PTPRG: variants seen among roughly 807,000 people sequenced by gnomAD.
The protein encoded by PTPRG is protein tyrosine phosphatase receptor type G.
In PTPRG, 102 loss-of-function variants were observed where a neutral mutation model predicts 165.3. The observed-to-expected ratio is 0.62, with a 90% CI of 0.53 to 0.73. The LOEUF (loss-of-function observed/expected upper bound fraction) is 0.73, where lower values mean the gene tolerates loss of function less well. PTPRG is among the 30% of genes least tolerant of loss of function. PTPRG has a pLI of 0.00. For synonymous variants in PTPRG, 675 were observed against 669.5 expected (o/e 1.01, Z -0.13); for missense variants, 1,866 against 1,861.4 (o/e 1.00, Z -0.05).
intron 2 of PTPRG, among the ~76,000 whole-genome samples, chr3:61,947,732 G>A (rs750222528): frequency 2.6e-5 from 4 of 152,088 alleles, no homozygotes; most frequent in African/African-American, 7.2e-5. Flanking sequence ...GGCTGAAATC[G>A]TCTTATAGTT....
chr3:61,562,326 C>A lies in PTPRG; in HGVS notation c.39C>A (p.Phe13Leu). 6.2e-7 allele frequency: 1 copy of A among 1,613,702 alleles called. No homozygotes were observed. Among genetic ancestry groups the A allele is most frequent in the Non-Finnish European group, 8.5e-7 (1 of 1,179,704 alleles). The change falls in exon 1 of 30, where the codon TTC becomes TTA. Residue 13 changes from phenylalanine (F) to leucine (L), a missense_variant. By Grantham distance (22) the Phe-to-Leu change is conservative (BLOSUM62 0). Around this residue, in one of 3 missense-constraint regions of PTPRG, gnomAD observed 408 missense variants for 376.2 expected, o/e 1.08. Transcript: ENST00000474889. ...RLLEPCWWIL[F>L]LKITSSVLHY... ...TGGAACCGTGTTGGTGGATTTTGTT[C>A]CTGAAAATCACCAGTTCCGTGCTCC...
chr3:61,903,676 G>A (rs1262573472), intron 2 of PTPRG, among the ~76,000 whole-genome samples: 1 of 152,094 alleles, frequency 6.6e-6, no homozygotes, highest in Non-Finnish European at 1.5e-5. Context: ...GCCCGGGCCT[G>A]GCTGTTATTG....
intron 1 of PTPRG, among the ~76,000 whole-genome samples, chr3:61,715,897 G>A (rs2031782014): frequency 6.6e-6 from 1 of 151,468 alleles, no homozygotes; most frequent in African/African-American, 2.4e-5. Context: ...CATCCAAGAA[G>A]TGAGTGCTAA....
At chr3:61,869,586 C>A (rs2037506521) in intron 2 of PTPRG, among the ~76,000 whole-genome samples, 1 of 150,360 alleles carries the variant, frequency 6.7e-6, no homozygotes, top group South Asian at 2.2e-4. Context: ...CCCCTCCCTT[C>A]ACCTCTTTGT....
intron 4 of PTPRG, among the ~76,000 whole-genome samples, chr3:62,055,407 G>A (rs188807208): frequency 2.0e-5 from 3 of 152,264 alleles, no homozygotes; most frequent in East Asian, 3.9e-4. Flanking sequence ...CTTGTAACAC[G>A]GACTAGTCAC....
intron 2 of PTPRG, among the ~76,000 whole-genome samples, chr3:61,943,221 T>C (rs2039677336): frequency 6.6e-6 from 1 of 152,198 alleles, no homozygotes; most frequent in Non-Finnish European, 1.5e-5. Flanking sequence ...GAGTTTTTGG[T>C]CTAACCACAT....
intron 2 of PTPRG, among the ~76,000 whole-genome samples, chr3:61,893,647 T>C (rs866427788): frequency 5.3e-5 from 8 of 152,220 alleles, no homozygotes; most frequent in Non-Finnish European, 8.8e-5. Context: ...TTGGAGTCTT[T>C]ATGTGAAACA....
intron 2 of PTPRG, among the ~76,000 whole-genome samples, chr3:61,752,599 A>T (rs1171635904): frequency 1.3e-5 from 2 of 151,950 alleles, no homozygotes; most frequent in Admixed American, 1.3e-4. Flanking sequence ...GAGACCTGCC[A>T]ACATGGTGAA....
chr3:62,051,011 T>C (rs1256335896), intron 4 of PTPRG, among the ~76,000 whole-genome samples: 2 of 152,194 alleles, frequency 1.3e-5, no homozygotes, highest in Non-Finnish European at 2.9e-5. Flanking sequence ...AGGAAAAGAA[T>C]TGTTATCCAA....
Position 62,138,734 on chromosome 3 carries a change from AAAG to A in PTPRG, c.682+6069_682+6071del, listed in dbSNP as rs1232787336. 3.6e-3 allele frequency among the ~76,000 whole-genome samples: 531 copies of A among 148,222 alleles called. 2 individuals are homozygous for A. Among genetic ancestry groups the A allele is most frequent in the African/African-American group, 0.012 (480 of 39,512 alleles). Reference sequence around the variant, plus strand: ...AGCTCCAAAAAAAAAAAAAAAAAAAAAAGAAAGACGAAATACATGTGCATTATA... The same window carrying A: ...AGCTCCAAAAAAAAAAAAAAAAAAAAAAAGACGAAATACATGTGCATTATA... On this transcript the variant is annotated intron_variant, in intron 6 of 29. Transcript: ENST00000474889.
chr3:61,760,256 A>G (rs937784917), intron 2 of PTPRG, among the ~76,000 whole-genome samples: 3 of 152,226 alleles, frequency 2.0e-5, no homozygotes, highest in Non-Finnish European at 2.9e-5. Flanking sequence ...AAATGAAGGA[A>G]AATAGTATCC....
chr3:61,937,700 G>T (rs2039513498), intron 2 of PTPRG, among the ~76,000 whole-genome samples: 1 of 152,162 alleles, frequency 6.6e-6, no homozygotes, highest in African/African-American at 2.4e-5. Flanking sequence ...CATGCAGTCA[G>T]AGTGATCACA....
intron 2 of PTPRG, among the ~76,000 whole-genome samples, chr3:61,947,038 T>C (rs937697130): frequency 3.3e-5 from 5 of 152,220 alleles, no homozygotes; most frequent in Admixed American, 2.0e-4. Context: ...CCAGCAGCGA[T>C]GTAATCCTTT....
chr3:61,884,230 A>G (rs1258842921), intron 2 of PTPRG, among the ~76,000 whole-genome samples: 3 of 152,298 alleles, frequency 2.0e-5, no homozygotes, highest in East Asian at 1.9e-4. Flanking sequence ...TGTTACTCCA[A>G]TCAAATGCTG....
chr3:61,601,553 G>A (rs1700869091), intron 1 of PTPRG, among the ~76,000 whole-genome samples: 1 of 152,188 alleles, frequency 6.6e-6, no homozygotes, highest in Admixed American at 6.5e-5. Context: ...AAACAAAAAC[G>A]ATGTTGGAGG....
intron 4 of PTPRG, among the ~76,000 whole-genome samples, chr3:62,005,192 C>T (rs1475417480): frequency 1.3e-5 from 2 of 152,186 alleles, no homozygotes; most frequent in South Asian, 4.1e-4. Flanking sequence ...TAGGACTCCT[C>T]TATCTGTGGG....
intron 10 of PTPRG, among the ~76,000 whole-genome samples, chr3:62,198,035 T>G (rs559193301): frequency 7.2e-5 from 11 of 152,216 alleles, no homozygotes; most frequent in Non-Finnish European, 1.5e-4. Flanking sequence ...GTAATAAATT[T>G]AATCTGGCTT....
intron 1 of PTPRG, among the ~76,000 whole-genome samples, chr3:61,665,661 TAAAAA>T (rs1183589463): frequency 1.3e-5 from 2 of 151,842 alleles, no homozygotes; most frequent in Non-Finnish European, 2.9e-5. Context: ...TTATCTGTAT[TAAAAA>T]AAGAAAAGAA....
intron 1 of PTPRG, among the ~76,000 whole-genome samples, chr3:61,573,736 TA>T (rs1376823214): frequency 1.3e-5 from 2 of 152,214 alleles, no homozygotes; most frequent in Non-Finnish European, 2.9e-5. Context: ...TTCAAATGAT[TA>T]TAGGATGTTT....
Sources: gnomAD v4.1 joint callset for allele counts (sites outside exome capture counted in the v4.1 genomes callset) on GRCh38, gnomAD v4.1.1 for gene constraint, gnomAD v4.1.1 regional missense constraint, MANE v1.5 for transcripts, NCBI Gene and HGNC (gene_info 2026-07-23, HGNC 2026-07-21) for gene names.